The following TNFRSF21 variants were observed in gnomAD, a reference collection of about 807,000 sequenced individuals.
TNFRSF21 encodes the protein tumor necrosis factor receptor superfamily member 21.
In TNFRSF21, 19 loss-of-function variants were observed where a neutral mutation model predicts 45.6. The observed-to-expected ratio is 0.42, with a 90% CI of 0.29 to 0.61. TNFRSF21 has a LOEUF of 0.61. Ranked by LOEUF, TNFRSF21 falls within the 20% of genes least tolerant of loss-of-function variation. The pLI is 0.23. For synonymous variants in TNFRSF21, 314 were observed against 335.5 expected (o/e 0.94, Z 0.70); for missense variants, 737 against 851.5 (o/e 0.87, Z 1.67).
intron 1 of TNFRSF21, among the ~76,000 whole-genome samples, chr6:47,306,796 A>C (rs1762946751): frequency 6.6e-6 from 1 of 152,258 alleles, no homozygotes; most frequent in South Asian, 2.1e-4. Context: ...AAAGAAGAGC[A>C]TTAAAAGACA....
At chr6:47,260,763 T>C (rs1322479540) in intron 3 of TNFRSF21, among the ~76,000 whole-genome samples, 2 of 152,238 alleles carry the variant, frequency 1.3e-5, no homozygotes, top group African/African-American at 4.8e-5. Flanking sequence ...CTCAGTTTCA[T>C]GCTGCACAAT....
chr6:47,283,538 G>T (rs1409173120), intron 3 of TNFRSF21, among the ~76,000 whole-genome samples: 1 of 152,202 alleles, frequency 6.6e-6, no homozygotes, highest in Non-Finnish European at 1.5e-5. Context: ...TATAGCAAAA[G>T]CAAGTGCTCC....
intron 1 of TNFRSF21, among the ~76,000 whole-genome samples, chr6:47,287,307 CAAAAA>C (rs1164380285): frequency 2.4e-4 from 5 of 20,878 alleles, no homozygotes; most frequent in South Asian, 2.2e-3. Context: ...AACTCTTTCT[CAAAAA>C]AAAAAAAAAA....
chr6:47,235,237 G>A (rs75921385), intron 4 of TNFRSF21, among the ~76,000 whole-genome samples: 1,852 of 152,232 alleles, frequency 0.012, 44 homozygotes, highest in African/African-American at 0.043. Flanking sequence ...ATATAATTTA[G>A]TATTATGAGC....
chr6:47,254,098 A>G (rs1358154268), intron 3 of TNFRSF21, among the ~76,000 whole-genome samples: 1 of 152,226 alleles, frequency 6.6e-6, no homozygotes, highest in East Asian at 1.9e-4. Flanking sequence ...TATCCAAATT[A>G]TCAGCATCAC....
chr6:47,296,602 C>T (rs898419287), intron 1 of TNFRSF21, among the ~76,000 whole-genome samples: 3 of 152,252 alleles, frequency 2.0e-5, no homozygotes, highest in African/African-American at 7.2e-5. Flanking sequence ...AAGGGCTGAA[C>T]GTTGAGCTGA....
intron 3 of TNFRSF21, among the ~76,000 whole-genome samples, chr6:47,279,760 T>C (rs1032774705): frequency 1.3e-5 from 2 of 152,218 alleles, no homozygotes; most frequent in African/African-American, 4.8e-5. Flanking sequence ...ACCTCTTAAC[T>C]ATATTTTTAT....
Position 47,256,458 on chromosome 6 carries a change from G to C in TNFRSF21, c.1244-2937C>G, listed in dbSNP as rs112289085. ...AGGATTGCTTGAGCCCCAGAGGGGAGGTTGCAGTGAGCCAAGATTACACAA... is the reference window on the plus strand; with the variant it reads ...AGGATTGCTTGAGCCCCAGAGGGGACGTTGCAGTGAGCCAAGATTACACAA... On this transcript the variant is annotated intron_variant, in intron 3 of 5. Coordinates refer to ENST00000296861, the MANE Select transcript of TNFRSF21 (RefSeq NM_014452.5). Among the ~76,000 whole-genome samples the C allele has an allele frequency of 2.7e-3, 411 of 152,328 alleles. 3 individuals are homozygous for C. The highest frequency in any genetic ancestry group is 9.3e-3 in the African/African-American group (387 of 41,578).
rs73736381 is a variant in TNFRSF21 at position 47,249,705 on chromosome 6, C to T, written c.1509+3551G>A. ...ACATTAAAATTCATGAAAACAAAAG[C>T]GAAGTATAAGAGGAGGATAAATAGG... On this transcript the variant is annotated intron_variant, in intron 4 of 5. Transcript: ENST00000296861. Among the ~76,000 whole-genome samples, 364 of 152,178 alleles carry T rather than the reference C, an allele frequency of 2.4e-3. 3 individuals are homozygous for T. The highest frequency in any genetic ancestry group is 8.5e-3 in the African/African-American group (355 of 41,524).
chr6:47,261,934 A>G (rs1765079136), intron 3 of TNFRSF21, among the ~76,000 whole-genome samples: 1 of 152,246 alleles, frequency 6.6e-6, no homozygotes, highest in South Asian at 2.1e-4. Context: ...ACTACACAGG[A>G]AACTGCTTTA....
intron 2 of TNFRSF21, 129 bp downstream of exon 2, chr6:47,285,815 A>T (rs1332646698): frequency 5.9e-6 from 6 of 1,010,288 alleles, no homozygotes; most frequent in South Asian, 1.7e-5. Context: ...CACCATATGA[A>T]GGCCTCTCTC....
intron 1 of TNFRSF21, among the ~76,000 whole-genome samples, chr6:47,287,326 A>AAAAAGAAAAG (rs1481809559): frequency 5.8e-4 from 87 of 150,040 alleles, no homozygotes; most frequent in African/African-American, 2.0e-3. Context: ...AAAAAAAAAA[A>AAAAAGAAAAG]AAAAAAAAGA....
chr6:47,256,005 A>G (rs192844266), intron 3 of TNFRSF21, among the ~76,000 whole-genome samples: 1 of 152,344 alleles, frequency 6.6e-6, no homozygotes, highest in African/African-American at 2.4e-5. Context: ...GTTCAGGAAA[A>G]TATTTATAAA....
intron 4 of TNFRSF21, among the ~76,000 whole-genome samples, chr6:47,247,684 T>C (rs1405683799): frequency 6.6e-6 from 1 of 152,168 alleles, no homozygotes; most frequent in East Asian, 1.9e-4. Flanking sequence ...GGCCCAGTAC[T>C]TCTCTAGCTG....
intron 1 of TNFRSF21, among the ~76,000 whole-genome samples, chr6:47,295,871 A>G (rs1762783995): frequency 6.6e-6 from 1 of 152,242 alleles, no homozygotes; most frequent in South Asian, 2.1e-4. Context: ...GTGAATATAG[A>G]GGATGCCAAG....
chr6:47,253,107 TGTGTGTGTGTGTGCAGGCGTATGC>T (rs1448559512), intron 4 of TNFRSF21, 125 bp downstream of exon 4: 2 of 919,662 alleles, frequency 2.2e-6, no homozygotes, highest in Non-Finnish European at 1.6e-6. Flanking sequence ...AGGTAGGGTG[TGTGTGTGTGTGTGCAGGCGTATGC>T]GTGTGTGTGT....
rs532112652 is a variant in TNFRSF21, at chr6:47,290,788, G to T, written c.97-4193C>A. 2.6e-5 allele frequency among the ~76,000 whole-genome samples: 4 copies of T among 152,290 alleles called. No homozygotes were observed. The South Asian group carries it at 8.3e-4, about 32-fold the overall frequency. On this transcript the variant is annotated intron_variant, in intron 1 of 5. Coordinates refer to ENST00000296861, the MANE Select transcript of TNFRSF21 (RefSeq NM_014452.5). Reference sequence around the variant, plus strand: ...CGGGCCCAGGCTGAACACTAGAAATGAGATTTAGCAAAAACTAGACACTAT... The same window carrying T: ...CGGGCCCAGGCTGAACACTAGAAATTAGATTTAGCAAAAACTAGACACTAT...
At chr6:47,305,939 C>T (rs1420141487) in intron 1 of TNFRSF21, among the ~76,000 whole-genome samples, 1 of 152,316 alleles carries the variant, frequency 6.6e-6, no homozygotes, top group African/African-American at 2.4e-5. Context: ...TTCCTTATCA[C>T]TGGCACAAAC....
chr6:47,283,092 G>A (rs76272062), intron 3 of TNFRSF21, among the ~76,000 whole-genome samples: 61 of 152,268 alleles, frequency 4.0e-4, no homozygotes, highest in African/African-American at 1.3e-3. Flanking sequence ...CTCTTTGAGG[G>A]GAGAGGACAC....
Sources: allele counts gnomAD v4.1 joint callset (sites outside exome capture counted in the v4.1 genomes callset), GRCh38; gene constraint gnomAD v4.1.1; transcripts MANE v1.5; gene names NCBI Gene and HGNC (gene_info 2026-07-23, HGNC 2026-07-21).